ATRNL1: variants seen among roughly 807,000 people sequenced by gnomAD.
ATRNL1 encodes the protein attractin-like protein 1.
Under a neutral mutation model 182.7 loss-of-function variants are expected in ATRNL1, and 95 were observed. The ratio of observed to expected loss-of-function variants is 0.52; its 90% CI spans 0.44 to 0.62. The LOEUF (loss-of-function observed/expected upper bound fraction) is 0.62, where lower values mean the gene tolerates loss of function less well. Ranked by LOEUF, ATRNL1 falls within the 20% of genes least tolerant of loss-of-function variation. ATRNL1 has a pLI of 0.00. For missense variants in ATRNL1, 1,471 were observed against 1,679.5 expected (o/e 0.88, Z 2.17); for synonymous variants, 576 against 568.3 (o/e 1.01, Z -0.19).
At chr10:115,478,073 T>C (rs1848611914) in intron 24 of ATRNL1, among the ~76,000 whole-genome samples, 1 of 151,770 alleles carries the variant, frequency 6.6e-6, no homozygotes, top group African/African-American at 2.4e-5. Flanking sequence ...GTTTTTTGTT[T>C]GTTTTTTAAG....
chr10:115,527,128 T>TTTC (rs1423743313), intron 25 of ATRNL1, among the ~76,000 whole-genome samples: 7 of 112,708 alleles, frequency 6.2e-5, no homozygotes, highest in African/African-American at 2.5e-4. Flanking sequence ...TTTTTTTTTT[T>TTTC]TTCCCCCCCG....
At chr10:115,426,177 T>C in intron 20 of ATRNL1, 73 bp from the exon 21 acceptor site, 5 of 1,229,362 alleles carry the variant, frequency 4.1e-6, no homozygotes, top group Admixed American at 3.7e-5. Flanking sequence ...ATAAATACTT[T>C]TTTGCTTGAA....
intron 14 of ATRNL1, among the ~76,000 whole-genome samples, chr10:115,284,315 T>A (rs1852506660): frequency 6.6e-6 from 1 of 152,192 alleles, no homozygotes; most frequent in Middle Eastern, 3.2e-3. Context: ...AAAAAATAAA[T>A]GAGGAGACAG....
chr10:115,559,140 A>C (rs538455678), intron 26 of ATRNL1, among the ~76,000 whole-genome samples: 14 of 152,332 alleles, frequency 9.2e-5, no homozygotes, highest in African/African-American at 3.1e-4. Context: ...CACCCTGCTC[A>C]TGAAGCAGGA....
chr10:115,379,125 T>C (rs1036934653), intron 19 of ATRNL1, among the ~76,000 whole-genome samples: 39 of 152,304 alleles, frequency 2.6e-4, no homozygotes, highest in African/African-American at 9.1e-4. Flanking sequence ...TACTGCAACT[T>C]TATATTCTAG....
At chr10:115,408,716 T>C (rs782605599) in intron 20 of ATRNL1, among the ~76,000 whole-genome samples, 84 of 152,066 alleles carry the variant, frequency 5.5e-4, no homozygotes, top group Non-Finnish European at 1.0e-3. Context: ...TACATTTAGG[T>C]ATTTGATCCA....
chr10:115,653,022 G>A (rs571452908), intron 26 of ATRNL1, among the ~76,000 whole-genome samples: 21 of 152,066 alleles, frequency 1.4e-4, no homozygotes, highest in East Asian at 3.9e-4. Flanking sequence ...TTGTCATTGC[G>A]TAAAATAATT....
intron 21 of ATRNL1, among the ~76,000 whole-genome samples, chr10:115,439,362 T>G (rs1272874091): frequency 1.3e-5 from 2 of 151,882 alleles, no homozygotes; most frequent in African/African-American, 4.8e-5. Flanking sequence ...GAAAAACATG[T>G]TGAAGATCAA....
chr10:115,844,214 C>T (rs1313049767), intron 27 of ATRNL1, among the ~76,000 whole-genome samples: 2 of 152,166 alleles, frequency 1.3e-5, no homozygotes, highest in African/African-American at 4.8e-5. Context: ...TGTAGTGACT[C>T]GTCCAAGGAC....
chr10:115,363,438 G>A (rs1439620139), intron 19 of ATRNL1, among the ~76,000 whole-genome samples: 1 of 145,342 alleles, frequency 6.9e-6, no homozygotes, highest in Admixed American at 6.9e-5. Context: ...AGATGAGTAG[G>A]TTGCAAAAAT....
At chr10:115,587,616 C>G (rs1555010597) in intron 26 of ATRNL1, among the ~76,000 whole-genome samples, 2 of 131,070 alleles carry the variant, frequency 1.5e-5, no homozygotes, top group African/African-American at 5.3e-5. Flanking sequence ...CCCGCTTCGG[C>G]TCGCGCATGG....
chr10:115,106,189 T>C (rs1263285941), intron 1 of ATRNL1, among the ~76,000 whole-genome samples: 3 of 152,208 alleles, frequency 2.0e-5, no homozygotes, highest in Non-Finnish European at 4.4e-5. Flanking sequence ...GGAGATCATT[T>C]TGGAGCTTTA....
At chr10:115,600,449 G>C (rs1856529428) in intron 26 of ATRNL1, among the ~76,000 whole-genome samples, 1 of 152,046 alleles carries the variant, frequency 6.6e-6, no homozygotes, top group Non-Finnish European at 1.5e-5. Flanking sequence ...TATTCTAGTA[G>C]TTTTACTCTA....
intron 26 of ATRNL1, among the ~76,000 whole-genome samples, chr10:115,591,148 C>T (rs1466534425): frequency 2.0e-5 from 3 of 152,140 alleles, no homozygotes; most frequent in Admixed American, 2.0e-4. Context: ...CATGTGAGTA[C>T]ACATACACAA....
chr10:115,690,077 G>C (rs1163817260), intron 26 of ATRNL1, among the ~76,000 whole-genome samples: 2 of 152,130 alleles, frequency 1.3e-5, no homozygotes, highest in Non-Finnish European at 2.9e-5. Context: ...TTGCACTACT[G>C]CTGGAGACAG....
intron 19 of ATRNL1, among the ~76,000 whole-genome samples, chr10:115,355,124 C>G (rs1268693259): frequency 1.3e-5 from 2 of 152,086 alleles, no homozygotes; most frequent in Non-Finnish European, 2.9e-5. Flanking sequence ...ATCTGCCACT[C>G]TAGAATTGGT....
At chr10:115,511,565 C>T (rs782710509) in intron 24 of ATRNL1, among the ~76,000 whole-genome samples, 6 of 151,690 alleles carry the variant, frequency 4.0e-5, no homozygotes, top group African/African-American at 1.2e-4. Flanking sequence ...GGCAAGCTGA[C>T]GTTTTGCACA....
At chr10:115,299,690 G>A (rs1025684608) in intron 15 of ATRNL1, among the ~76,000 whole-genome samples, 10 of 144,668 alleles carry the variant, frequency 6.9e-5, no homozygotes, top group African/African-American at 2.0e-4. Flanking sequence ...AGAAGCAGCA[G>A]CAGCAATAAC....
At chr10:115,140,119 A>T (rs1476698112) in intron 5 of ATRNL1, among the ~76,000 whole-genome samples, 1 of 152,230 alleles carries the variant, frequency 6.6e-6, no homozygotes, top group Non-Finnish European at 1.5e-5. Flanking sequence ...AATTGCCTTT[A>T]CATCTTTGCA....
Sources: gnomAD v4.1 joint callset for allele counts (sites outside exome capture counted in the v4.1 genomes callset) on GRCh38, gnomAD v4.1.1 for gene constraint, MANE v1.5 for transcripts, NCBI Gene and HGNC (gene_info 2026-07-23, HGNC 2026-07-21) for gene names.